The following HNF4A variants were observed in gnomAD, a reference collection of about 807,000 sequenced individuals.
The protein encoded by HNF4A is hepatocyte nuclear factor 4-alpha.
Under a neutral mutation model 52.4 loss-of-function variants are expected in HNF4A, and 15 were observed. The ratio of observed to expected loss-of-function variants is 0.29; its 90% CI spans 0.19 to 0.44. The LOEUF is 0.44. Ranked by LOEUF, HNF4A falls within the 20% of genes least tolerant of loss-of-function variation. HNF4A has a pLI of 1.00. For synonymous variants in HNF4A, 280 were observed against 264.4 expected, an observed-to-expected ratio of 1.06 and a Z score of -0.57; for missense variants, 479 against 647.2, an observed-to-expected ratio of 0.74 and a Z score of 2.82.
At chr20:44,394,573 G>A (rs942116163) in intron 1 of HNF4A, among the ~76,000 whole-genome samples, 1 of 152,122 alleles carries the variant, frequency 6.6e-6, no homozygotes, top group African/African-American at 2.4e-5. Flanking sequence ...CAAAGCTGCC[G>A]CTTCCCATCC....
intron 7 of HNF4A, among the ~76,000 whole-genome samples, chr20:44,421,522 G>A (rs567530089): frequency 4.3e-4 from 66 of 152,202 alleles, no homozygotes; most frequent in African/African-American, 1.6e-3. Context: ...GGGAGACTGA[G>A]GCAGGCAGAT....
In HNF4A at chr20:44,355,856, A is replaced by G; in HGVS notation, c.49+3A>G. 1.9e-6 allele frequency: 3 copies of G among 1,610,772 alleles called. No homozygotes were observed. Among genetic ancestry groups the G allele is most frequent in the Non-Finnish European group, 1.7e-6 (2 of 1,177,436 alleles). On this transcript the variant is annotated splice_donor_region_variant and intron_variant, in intron 1 of 9. Coordinates refer to the HNF4A transcript ENST00000316673. ...GGCTCCAGTGGAGAGTTCTTACGGT[A>G]AGTGGGGCTGGGGGAAGACTGGACA...
intron 8 of HNF4A, chr20:44,424,570 T>C: frequency 7.7e-7 from 1 of 1,299,274 alleles, no homozygotes; most frequent in South Asian, 1.5e-5. Flanking sequence ...TCTGTGTATA[T>C]GCCCGTATGT....
chr20:44,411,026 A>T (rs1006704908), intron 3 of HNF4A, among the ~76,000 whole-genome samples: 1 of 152,204 alleles, frequency 6.6e-6, no homozygotes, highest in African/African-American at 2.4e-5. Context: ...GTGGGCCAAC[A>T]GCAGGTCAAG....
At chr20:44,368,036 C>T (rs2062987739) in intron 1 of HNF4A, among the ~76,000 whole-genome samples, 1 of 145,996 alleles carries the variant, frequency 6.8e-6, no homozygotes, top group Non-Finnish European at 1.5e-5. Flanking sequence ...CTCCTTCCTC[C>T]CTAGATGGAA....
At chr20:44,356,206 T>G (rs933255026) in intron 1 of HNF4A, among the ~76,000 whole-genome samples, 1 of 152,080 alleles carries the variant, frequency 6.6e-6, no homozygotes, top group East Asian at 1.9e-4. Flanking sequence ...CAAATTGAGG[T>G]CCACCAGGAG....
Position 44,428,604 on chromosome 20 carries a change from G to A in HNF4A, c.1282+117G>A, listed in dbSNP as rs1422288135. On this transcript the variant is annotated intron_variant, in intron 9 of 9. Transcript: ENST00000316099. ...GGATGCAACAGTTTTCTGGGTTCCAGGGTAGGGAATAAAGGGCAAGATTGT... is the reference window on the plus strand; with the variant it reads ...GGATGCAACAGTTTTCTGGGTTCCAAGGTAGGGAATAAAGGGCAAGATTGT... 3 of 1,018,780 alleles carry A rather than the reference G, an allele frequency of 2.9e-6. No homozygotes were observed. The African/African-American group carries it at 4.7e-5, about 16-fold the overall frequency. The allele number at this position is 1,018,780 out of a possible 1,614,324, so 63.1% of individuals were successfully genotyped here. A position where few individuals can be genotyped will look rare whatever the true frequency, so the allele number is the denominator to read the frequency against.
rs766196675 is a variant in HNF4A, at chr20:44,413,690, A to T, written c.386-4A>T. 6.2e-7 allele frequency: 1 copy of T among 1,606,144 alleles called. No homozygotes were observed. Among genetic ancestry groups the T allele is most frequent in the East Asian group, 2.2e-5 (1 of 44,588 alleles). On this transcript the variant is annotated splice_region_variant and splice_polypyrimidine_tract_variant and intron_variant, in intron 3 of 9. Transcript: ENST00000316099. ...CCTCCTCACCTCTCTGTGCCTCCTC[A>T]CAGCCGTCCAGAATGAGCGGGACCG...
downstream of HNF4A, chr20:44,433,864 AACTG>A (rs2063901650): frequency 6.6e-6 from 1 of 152,184 alleles, no homozygotes; most frequent in South Asian, 2.1e-4. Flanking sequence ...GGCTTGTGAG[AACTG>A]ACTGTTAGCT....
chr20:44,413,521 A>C (rs1002101037), intron 3 of HNF4A, among the ~76,000 whole-genome samples, 173 bp from the exon 4 acceptor site: 3 of 151,874 alleles, frequency 2.0e-5, no homozygotes, highest in Non-Finnish European at 4.4e-5. Flanking sequence ...TGATATGTGG[A>C]AAGTTCTTCC....
In HNF4A at chr20:44,429,560, C is replaced by T; in HGVS notation, c.1320C>T (p.Gly440=). Residue 440 remains glycine, a synonymous_variant, in exon 10 of 10, where the codon GGC becomes GGT. Transcript: ENST00000316099. ...CCCCACAGCCCTCACCGCCAGGTGGCTCAGGGTCTGAGCCCTATAAGCTCC... is the reference window on the plus strand; with the variant it reads ...CCCCACAGCCCTCACCGCCAGGTGGTTCAGGGTCTGAGCCCTATAAGCTCC... 1 of 1,614,102 alleles carries T rather than the reference C, an allele frequency of 6.2e-7. No individual in the cohort carries two copies. The highest frequency in any genetic ancestry group is 8.5e-7 in the Non-Finnish European group (1 of 1,180,010).
chr20:44,403,646 C>G (rs1486845796), intron 1 of HNF4A, among the ~76,000 whole-genome samples: 1 of 152,206 alleles, frequency 6.6e-6, no homozygotes, highest in Admixed American at 6.5e-5. Flanking sequence ...CCCTGGGTGG[C>G]TCCTTGTTCA....
intron 7 of HNF4A, among the ~76,000 whole-genome samples, chr20:44,423,054 C>T (rs755096894): frequency 1.1e-4 from 17 of 152,184 alleles, no homozygotes; most frequent in African/African-American, 3.4e-4. Context: ...CAGTGGCTCA[C>T]GCCTGTAATC....
At chr20:44,391,175 G>A (rs758284034) in intron 1 of HNF4A, among the ~76,000 whole-genome samples, 1 of 151,952 alleles carries the variant, frequency 6.6e-6, no homozygotes, top group Non-Finnish European at 1.5e-5. Context: ...TTGTCTCATC[G>A]GCCATGCTTC....
In HNF4A at chr20:44,424,046, G is replaced by T. The variant is rs2063783770; in HGVS notation, c.921G>T (p.Lys307Asn). Residue 307 changes from lysine to asparagine, a missense_variant, in exon 8 of 10, where the codon AAG becomes AAT. Physicochemically the swap from Lys to Asn is moderately conservative, Grantham distance 94 (BLOSUM62 0). Transcript: ENST00000316099. ...CCAAGGGGCTGAGCGATCCAGGGAA[G>T]ATCAAGCGGCTGCGTTCCCAGGTGC... The T allele has an allele frequency of 6.2e-7, 1 of 1,613,130 alleles. No homozygotes were observed.
At chr20:44,429,221 G>A (rs1356494773) in intron 9 of HNF4A, among the ~76,000 whole-genome samples, 1 of 152,166 alleles carries the variant, frequency 6.6e-6, no homozygotes. Flanking sequence ...GGACAGCCAG[G>A]CCTGGGCCTT....
At chr20:44,358,615 AAAAC>A (rs1352471874) in intron 1 of HNF4A, among the ~76,000 whole-genome samples, 2 of 145,996 alleles carry the variant, frequency 1.4e-5, no homozygotes, top group Non-Finnish European at 3.1e-5. Context: ...TATCTCAAAA[AAAAC>A]AAAACAAAAC....
chr20:44,386,204 G>A (rs1436589580), intron 1 of HNF4A, among the ~76,000 whole-genome samples: 1 of 81,546 alleles, frequency 1.2e-5, no homozygotes, highest in Non-Finnish European at 2.3e-5. Context: ...TTTTGCTCTT[G>A]TTAACCAGGC....
Position 44,429,888 on chromosome 20 carries a change from C to T in HNF4A, c.*223C>T, listed in dbSNP as rs2063858256. ...AGACTTTGACTTGGGGAGACCTCTA[C>T]TGCCTTGGACAACTTTTCTCATGTT... On this transcript the variant is annotated 3_prime_UTR_variant, in exon 10 of 10. Transcript: ENST00000316099. The T allele has an allele frequency of 5.2e-6, 3 of 573,740 alleles. No homozygotes were observed. The highest frequency in any genetic ancestry group is 3.1e-5 in the Admixed American group (1 of 32,368). The allele number at this position is 573,740 out of a possible 1,614,324, so 35.5% of individuals were successfully genotyped here. A position where few individuals can be genotyped will look rare whatever the true frequency, so the allele number is the denominator to read the frequency against.
Sources: gnomAD v4.1 joint callset for allele counts (sites outside exome capture counted in the v4.1 genomes callset) on GRCh38, gnomAD v4.1.1 for gene constraint, MANE v1.5 for transcripts, NCBI Gene and HGNC (gene_info 2026-07-23, HGNC 2026-07-21) for gene names.